The following NFIA variants were observed in gnomAD, a reference collection of about 807,000 sequenced individuals.
NFIA encodes the protein nuclear factor 1 A-type.
In NFIA, 8 loss-of-function variants were observed where a neutral mutation model predicts 62.8. The observed-to-expected ratio is 0.13, with a 90% CI of 0.07 to 0.23. NFIA has a LOEUF of 0.23. Ranked by LOEUF, NFIA falls within the 10% of genes least tolerant of loss-of-function variation. NFIA has a pLI of 1.00. For missense variants in NFIA, 410 were observed against 642.1 expected, an observed-to-expected ratio of 0.64 and a Z score of 3.91; for synonymous variants, 235 against 238.1, an observed-to-expected ratio of 0.99 and a Z score of 0.12.
At chr1:61,222,606 G>A (rs1397690296) in intron 2 of NFIA, among the ~76,000 whole-genome samples, 4 of 152,066 alleles carry the variant, frequency 2.6e-5, no homozygotes, top group Admixed American at 2.0e-4. Context: ...TGGGTATTTA[G>A]AGTCAGTACC....
intron 2 of NFIA, among the ~76,000 whole-genome samples, chr1:61,141,428 A>G (rs1009350607): frequency 4.6e-5 from 7 of 150,954 alleles, no homozygotes; most frequent in Non-Finnish European, 8.9e-5. Flanking sequence ...GGGAAAAAAA[A>G]CCATGTCTTT....
At position 61,430,016 on chromosome 1, in the gene NFIA, A is replaced by G. The variant is rs142590890; in HGVS notation, c.1512+3460A>G. 2.8e-4 allele frequency among the ~76,000 whole-genome samples: 42 copies of G among 152,346 alleles called. No individual in the cohort carries two copies. In the East Asian group the frequency reaches 7.1e-3, roughly 26 times the overall value. ...GGATGTTGGTGATGTTTGCACAACA[A>G]TGTGAACATACCAAATCCCACTGAA... On this transcript the variant is annotated intron_variant, in intron 10 of 10. Transcript: ENST00000403491.
chr1:61,089,706 T>C (rs1438482844), intron 2 of NFIA, among the ~76,000 whole-genome samples: 2 of 150,546 alleles, frequency 1.3e-5, no homozygotes, highest in African/African-American at 2.4e-5. Flanking sequence ...TTTTTTTTTT[T>C]TTTTTTTTAC....
intron 4 of NFIA, among the ~76,000 whole-genome samples, chr1:61,335,743 G>C (rs1056449861): frequency 3.3e-5 from 5 of 152,068 alleles, no homozygotes; most frequent in Admixed American, 6.5e-5. Flanking sequence ...TCGGGAGGCT[G>C]AGGCAGGAGA....
At chr1:61,269,476 G>C (rs1444377003) in intron 2 of NFIA, among the ~76,000 whole-genome samples, 1 of 152,190 alleles carries the variant, frequency 6.6e-6, no homozygotes, top group Non-Finnish European at 1.5e-5. Context: ...AGTTATTTAT[G>C]ATAGAAGGTG....
intron 10 of NFIA, among the ~76,000 whole-genome samples, chr1:61,427,396 C>T (rs370206897): frequency 6.6e-5 from 10 of 152,174 alleles, no homozygotes; most frequent in East Asian, 3.9e-4. Context: ...TAGAACATGG[C>T]GATATTTTAT....
intron 1 of NFIA, among the ~76,000 whole-genome samples, chr1:61,085,827 G>A (rs569181732): frequency 6.6e-6 from 1 of 152,236 alleles, no homozygotes; most frequent in South Asian, 2.1e-4. Flanking sequence ...TATTCTTAAT[G>A]ACTAATTGAC....
intron 2 of NFIA, among the ~76,000 whole-genome samples, chr1:61,105,109 G>A (rs919250665): frequency 6.6e-6 from 1 of 151,916 alleles, no homozygotes; most frequent in African/African-American, 2.4e-5. Flanking sequence ...TAATAATAGG[G>A]GATTGTGTGT....
At chr1:61,093,892 A>G (rs1646366802) in intron 2 of NFIA, among the ~76,000 whole-genome samples, 1 of 152,182 alleles carries the variant, frequency 6.6e-6, no homozygotes, top group African/African-American at 2.4e-5. Flanking sequence ...TGTGGGAGAA[A>G]CCACAGCCTT....
chr1:61,290,489 G>A (rs1484244080), intron 3 of NFIA, among the ~76,000 whole-genome samples: 1 of 152,146 alleles, frequency 6.6e-6, no homozygotes, highest in Non-Finnish European at 1.5e-5. Context: ...ATTCCTAGCA[G>A]GTCCCACATT....
intron 5 of NFIA, among the ~76,000 whole-genome samples, chr1:61,357,743 G>C (rs1663040124): frequency 6.6e-6 from 1 of 152,090 alleles, no homozygotes; most frequent in Non-Finnish European, 1.5e-5. Context: ...ACAGCACCTG[G>C]CATGTAGGAT....
intron 2 of NFIA, among the ~76,000 whole-genome samples, chr1:61,255,478 A>G (rs1557664742): frequency 2.0e-5 from 3 of 152,262 alleles, no homozygotes; most frequent in African/African-American, 4.8e-5. Flanking sequence ...AAAATGGGGC[A>G]TAAGTCCGAA....
intron 9 of NFIA, among the ~76,000 whole-genome samples, chr1:61,419,664 A>G (rs971115529): frequency 2.6e-5 from 4 of 152,174 alleles, no homozygotes; most frequent in Admixed American, 6.5e-5. Flanking sequence ...AGGATCCTTA[A>G]TACAAACAGA....
intron 3 of NFIA, among the ~76,000 whole-genome samples, chr1:61,314,602 C>T (rs1488989289): frequency 2.0e-5 from 3 of 152,158 alleles, no homozygotes; most frequent in Admixed American, 1.3e-4. Flanking sequence ...GCTCTATCAT[C>T]TCTTCAAACC....
chr1:61,157,776 A>G (rs753662461), intron 2 of NFIA, among the ~76,000 whole-genome samples: 4 of 152,184 alleles, frequency 2.6e-5, no homozygotes, highest in Non-Finnish European at 4.4e-5. Context: ...CTGACCACAA[A>G]AAGGAAGCTT....
Position 61,337,420 on chromosome 1 carries a change from GT to G in NFIA, c.700+4836del, listed in dbSNP as rs1661670606. 2.0e-5 allele frequency among the ~76,000 whole-genome samples: 3 copies of G among 151,770 alleles called. No individual in the cohort carries two copies. The South Asian group carries it at 6.3e-4, about 32-fold the overall frequency. On this transcript the variant is annotated intron_variant, in intron 4 of 10. Coordinates refer to ENST00000403491, the MANE Select transcript of NFIA (RefSeq NM_001134673.4). Reference sequence around the variant, plus strand: ...TACTGTAGCATAAAAATCTATATTTGTTCTCTTGCTAGTTTTTCCCCCATGT... The same window carrying G: ...TACTGTAGCATAAAAATCTATATTTGTCTCTTGCTAGTTTTTCCCCCATGT...
At chr1:61,396,863 G>A (rs1665300341) in intron 7 of NFIA, among the ~76,000 whole-genome samples, 1 of 151,982 alleles carries the variant, frequency 6.6e-6, no homozygotes, top group Non-Finnish European at 1.5e-5. Context: ...TTAGCCAAGT[G>A]TGATGGTAGG....
intron 3 of NFIA, among the ~76,000 whole-genome samples, chr1:61,317,930 A>G (rs754627350): frequency 1.3e-5 from 2 of 152,138 alleles, no homozygotes; most frequent in African/African-American, 2.4e-5. Flanking sequence ...CATTAGTGTC[A>G]TTTTACAGGT....
At chr1:61,218,146 C>G (rs1289254863) in intron 2 of NFIA, among the ~76,000 whole-genome samples, 2 of 152,162 alleles carry the variant, frequency 1.3e-5, no homozygotes, top group African/African-American at 4.8e-5. Context: ...AGACACATAT[C>G]TAAATATGCA....
Sources: gnomAD v4.1 joint callset for allele counts (sites outside exome capture counted in the v4.1 genomes callset) on GRCh38, gnomAD v4.1.1 for gene constraint, MANE v1.5 for transcripts, NCBI Gene and HGNC (gene_info 2026-07-23, HGNC 2026-07-21) for gene names.